Variants in PIK3CB observed in about 807,000 individuals in gnomAD.
The protein encoded by PIK3CB is phosphatidylinositol-4,5-bisphosphate 3-kinase catalytic subunit beta.
PIK3CB carries 39 observed loss-of-function variants against 136.8 expected under a neutral mutation model. The ratio of observed to expected loss-of-function variants is 0.29; its 90% confidence interval spans 0.22 to 0.37. The LOEUF (loss-of-function observed/expected upper bound fraction) is 0.37. Among genes scored for constraint, PIK3CB ranks in the 10% least tolerant of loss-of-function variants. The pLI is 1.00. For missense variants in PIK3CB, 868 were observed against 1,275.4 expected (o/e 0.68, Z 4.87); for synonymous variants, 428 against 436.6 (o/e 0.98, Z 0.25).
chr3:138,789,931 T>C (rs9823213), intron 2 of PIK3CB, among the ~76,000 whole-genome samples: 86,103 of 151,936 alleles, frequency 0.57, 25,350 homozygotes, highest in East Asian at 0.98. Context: ...CCTCGTGATC[T>C]GCCCGTCCTG....
At chr3:138,662,415 T>C (rs1363744410) in intron 21 of PIK3CB, among the ~76,000 whole-genome samples, 1 of 150,964 alleles carries the variant, frequency 6.6e-6, no homozygotes, top group African/African-American at 2.5e-5. Flanking sequence ...TCCAATTTCA[T>C]CCATGTCCCT....
intron 11 of PIK3CB, 100 bp downstream of exon 11, chr3:138,707,059 T>G: frequency 2.5e-6 from 2 of 795,490 alleles, no homozygotes; most frequent in East Asian, 2.5e-5. Context: ...TGTCACTGTA[T>G]GGGAAGTTTT....
At chr3:138,759,395 A>G (rs779557491) in intron 2 of PIK3CB, 36 bp from the exon 3 acceptor site, 1 of 1,447,102 alleles carries the variant, frequency 6.9e-7, no homozygotes. Flanking sequence ...CAAAACAACC[A>G]TCAGCCAAAT....
chr3:138,687,756 C>T (rs763416239), intron 16 of PIK3CB, among the ~76,000 whole-genome samples: 1 of 152,158 alleles, frequency 6.6e-6, no homozygotes, highest in South Asian at 2.1e-4. Flanking sequence ...CATCTGGCCA[C>T]AGTCTACATT....
intron 8 of PIK3CB, among the ~76,000 whole-genome samples, chr3:138,723,546 T>C (rs1001635912): frequency 5.9e-5 from 9 of 152,086 alleles, no homozygotes; most frequent in African/African-American, 2.2e-4. Context: ...CGAGACCCCG[T>C]CTCAAAAATA....
At chr3:138,670,470 G>A (rs1473389298) in intron 19 of PIK3CB, among the ~76,000 whole-genome samples, 1 of 152,106 alleles carries the variant, frequency 6.6e-6, no homozygotes, top group Non-Finnish European at 1.5e-5. Flanking sequence ...TATATAGGAG[G>A]AGTTGGTAAA....
chr3:138,672,514 G>A (rs1212964546), intron 19 of PIK3CB, among the ~76,000 whole-genome samples: 1 of 152,128 alleles, frequency 6.6e-6, no homozygotes, highest in African/African-American at 2.4e-5. Flanking sequence ...CATCAATAAT[G>A]AATTCAAAAC....
chr3:138,729,286 A>G (rs951611593), intron 8 of PIK3CB, among the ~76,000 whole-genome samples: 2 of 152,094 alleles, frequency 1.3e-5, no homozygotes, highest in African/African-American at 4.8e-5. Flanking sequence ...CTCAGAAAAA[A>G]AAAAAAAAGA....
chr3:138,810,648 GT>G (rs1198798359), intron 1 of PIK3CB, among the ~76,000 whole-genome samples: 3 of 152,180 alleles, frequency 2.0e-5, no homozygotes, highest in Non-Finnish European at 4.4e-5. Flanking sequence ...GCCGGGCATG[GT>G]GGCTCACGCC....
At position 138,688,886 on chromosome 3, in the gene PIK3CB, G is replaced by T; in HGVS notation, c.2125C>A (p.Leu709Ile). ...CRGSVGHMKV[L>I]SKQVEALNKL... ...AAACAAGCTGATACCTGCTTAGAAA[G>T]CACTTTCATGTGCCCCACACTTCCC... is the stretch of plus-strand genomic sequence containing the variant. Residue 709 changes from leucine (L) to isoleucine (I), a missense_variant, in exon 16 of 24, where the codon CTT becomes ATT. Coordinates refer to ENST00000674063, the MANE Select transcript of PIK3CB (RefSeq NM_006219.3). 1 of 1,607,882 alleles carries T rather than the reference G, an allele frequency of 6.2e-7. No individual in the cohort carries two copies. Among genetic ancestry groups the T allele is most frequent in the Non-Finnish European group, 8.5e-7 (1 of 1,174,406 alleles).
intron 2 of PIK3CB, among the ~76,000 whole-genome samples, chr3:138,761,896 C>T (rs768992820): frequency 2.0e-5 from 3 of 150,016 alleles, no homozygotes; most frequent in South Asian, 2.1e-4. Context: ...GCTGAGATCA[C>T]GCCACTGCAC....
At chr3:138,667,556 A>C (rs1288400360) in intron 19 of PIK3CB, among the ~76,000 whole-genome samples, 1 of 151,370 alleles carries the variant, frequency 6.6e-6, no homozygotes, top group East Asian at 2.0e-4. Context: ...ATTTATTTTT[A>C]TTTTATTTAT....
Position 138,688,486 on chromosome 3 carries a change from G to A in PIK3CB, c.2136+389C>T, listed in dbSNP as rs1485980655. 3.1e-5 allele frequency among the ~76,000 whole-genome samples: 4 copies of A among 128,512 alleles called. No homozygotes were observed. In the South Asian group the frequency reaches 1.1e-3, roughly 36 times the overall value. The allele number at this position is 128,512 out of a possible 152,430, so 84.3% of individuals were successfully genotyped here. A position where few individuals can be genotyped will look rare whatever the true frequency, so the allele number is the denominator to read the frequency against. ...ATTGCACTCCAGCCTGGGCAACAGA[G>A]CGAGACTCTGTCACAAAAAAAAAAA... On this transcript the variant is annotated intron_variant, in intron 16 of 23. Transcript: ENST00000674063.
chr3:138,807,894 CAA>C (rs35759774), intron 1 of PIK3CB, among the ~76,000 whole-genome samples: 16 of 129,044 alleles, frequency 1.2e-4, no homozygotes, highest in Admixed American at 1.6e-4. Flanking sequence ...GATCCTGTCT[CAA>C]AAAAAAAAAA....
chr3:138,736,661 A>G (rs549856257), intron 6 of PIK3CB, among the ~76,000 whole-genome samples: 2 of 152,336 alleles, frequency 1.3e-5, no homozygotes, highest in Non-Finnish European at 2.9e-5. Flanking sequence ...CACATAGCAT[A>G]TTTAAACTCC....
chr3:138,675,770 T>G (rs1001085219), intron 19 of PIK3CB, among the ~76,000 whole-genome samples: 5 of 152,130 alleles, frequency 3.3e-5, no homozygotes, highest in African/African-American at 9.7e-5. Flanking sequence ...GGTTGGAGGA[T>G]TCATTCTTCC....
intron 1 of PIK3CB, among the ~76,000 whole-genome samples, chr3:138,823,032 A>G (rs1368982179): frequency 6.6e-6 from 1 of 150,980 alleles, no homozygotes; most frequent in Non-Finnish European, 1.5e-5. Context: ...GCCGATATTT[A>G]TCACTGCAGA....
At chr3:138,805,439 G>C (rs1037002826) in intron 1 of PIK3CB, among the ~76,000 whole-genome samples, 1 of 151,910 alleles carries the variant, frequency 6.6e-6, no homozygotes, top group Non-Finnish European at 1.5e-5. Context: ...GGGAGGCCGA[G>C]GTCGGCAGAT....
rs564867389 is a variant in PIK3CB at position 138,769,252 on chromosome 3, ACAGAGTCTCCATAATTTATC to A, written c.-16-9913_-16-9894del. On this transcript the variant is annotated intron_variant, in intron 2 of 23. Transcript: ENST00000674063. ...ATCACTACTATTTCTCAAAGTAGCA[ACAGAGTCTCCATAATTTATC>A]CAGATATAATTGTAGCCTATATTTT... Among the ~76,000 whole-genome samples, 589 of 152,340 alleles carry A rather than the reference ACAGAGTCTCCATAATTTATC, an allele frequency of 3.9e-3. 7 individuals are homozygous for A. The highest frequency in any genetic ancestry group is 2.8e-3 in the Non-Finnish European group (193 of 68,034).
Sources: gnomAD v4.1 joint callset for allele counts (sites outside exome capture counted in the v4.1 genomes callset) on GRCh38, gnomAD v4.1.1 for gene constraint, MANE v1.5 for transcripts, NCBI Gene and HGNC (gene_info 2026-07-23, HGNC 2026-07-21) for gene names.